PARD3B: variants seen among roughly 807,000 people sequenced by gnomAD.
PARD3B encodes the protein par-3 family cell polarity regulator beta.
Under a neutral mutation model 130.2 loss-of-function variants are expected in PARD3B, and 103 were observed. The observed-to-expected ratio is 0.79, with a 90% CI of 0.67 to 0.93. The LOEUF (loss-of-function observed/expected upper bound fraction) is 0.93, where lower values mean the gene tolerates loss of function less well. Ranked by LOEUF, PARD3B falls within the 40% of genes least tolerant of loss-of-function variation. The pLI is 0.00. For synonymous variants in PARD3B, 583 were observed against 553.2 expected, an observed-to-expected ratio of 1.05 and a Z score of -0.76; for missense variants, 1,609 against 1,499.2, an observed-to-expected ratio of 1.07 and a Z score of -1.21.
At chr2:205,340,901 G>A (rs749870464) in intron 18 of PARD3B, among the ~76,000 whole-genome samples, 183 of 151,818 alleles carry the variant, frequency 1.2e-3, no homozygotes, top group Non-Finnish European at 2.4e-3. Context: ...CTCAACAGCC[G>A]AAAAACAAAT....
chr2:204,834,588 A>G (rs114898693), intron 2 of PARD3B, among the ~76,000 whole-genome samples: 2,211 of 152,312 alleles, frequency 0.015, 36 homozygotes, highest in East Asian at 0.065. Flanking sequence ...AGTAGCATGT[A>G]TATGTTTATT....
chr2:205,132,970 G>T (rs889604069), intron 10 of PARD3B, among the ~76,000 whole-genome samples: 1 of 152,022 alleles, frequency 6.6e-6, no homozygotes, highest in Non-Finnish European at 1.5e-5. Context: ...GATATAGAAG[G>T]CTGGGAAACG....
Position 205,525,286 on chromosome 2 carries a change from T to G in PARD3B, c.3180+25255T>G, listed in dbSNP as rs552090549. Among the ~76,000 whole-genome samples, 1 of 152,246 alleles carries G rather than the reference T, an allele frequency of 6.6e-6. No individual in the cohort carries two copies. Among genetic ancestry groups the G allele is most frequent in the Non-Finnish European group, 1.5e-5 (1 of 68,004 alleles). On this transcript the variant is annotated intron_variant, in intron 21 of 22. Transcript: ENST00000406610. This position sits in a 1 kb window ranked among gnomAD's most constrained non-coding sequence, Gnocchi z 4.2. The stretch of plus-strand genomic sequence containing the variant: ...TTTCCTTACCACTCCAAGAGTGGGG[T>G]CTCTGGAAAATATAGTAACAAAGCT...
chr2:205,063,137 G>A (rs1052820639), intron 4 of PARD3B, among the ~76,000 whole-genome samples: 8 of 151,858 alleles, frequency 5.3e-5, no homozygotes, highest in Admixed American at 2.6e-4. Flanking sequence ...CAAAGTAACC[G>A]TTTAAAGCTA....
chr2:204,661,984 A>G (rs2035826145), intron 1 of PARD3B, among the ~76,000 whole-genome samples: 1 of 152,200 alleles, frequency 6.6e-6, no homozygotes, highest in South Asian at 2.1e-4. Context: ...TTCTTCTCTA[A>G]TACTGTACTA....
intron 21 of PARD3B, among the ~76,000 whole-genome samples, chr2:205,538,682 G>A (rs73060136): frequency 0.024 from 3,667 of 152,144 alleles, 142 homozygotes; most frequent in African/African-American, 0.082. Context: ...GAATAGTATC[G>A]GTGAAGAAGC....
chr2:204,838,252 G>A (rs538300636), intron 2 of PARD3B, among the ~76,000 whole-genome samples: 1 of 150,988 alleles, frequency 6.6e-6, no homozygotes, highest in Non-Finnish European at 1.5e-5. Context: ...GCACGATCTC[G>A]GCTCACTGCA....
At chr2:204,805,026 G>A (rs1046266147) in intron 2 of PARD3B, among the ~76,000 whole-genome samples, 1 of 151,830 alleles carries the variant, frequency 6.6e-6, no homozygotes, top group African/African-American at 2.4e-5. Flanking sequence ...AATAATGCAT[G>A]TGAAAAAGTA....
intron 2 of PARD3B, among the ~76,000 whole-genome samples, chr2:204,938,145 A>C (rs1688610419): frequency 6.6e-6 from 1 of 152,194 alleles, no homozygotes; most frequent in Admixed American, 6.5e-5. Context: ...GATTTTTAAT[A>C]CAATTTCTCA....
At chr2:204,674,512 A>G (rs2036444408) in intron 1 of PARD3B, among the ~76,000 whole-genome samples, 1 of 115,326 alleles carries the variant, frequency 8.7e-6, no homozygotes, top group African/African-American at 2.9e-5. Flanking sequence ...GAAGTTTTAT[A>G]AACAGTGTGG....
At chr2:204,662,745 A>G (rs1385141242) in intron 1 of PARD3B, among the ~76,000 whole-genome samples, 1 of 152,210 alleles carries the variant, frequency 6.6e-6, no homozygotes, top group South Asian at 2.1e-4. Context: ...CAAAATGACT[A>G]TTCATATAGT....
intron 18 of PARD3B, among the ~76,000 whole-genome samples, chr2:205,312,172 C>A (rs1266715798): frequency 6.6e-6 from 1 of 152,178 alleles, no homozygotes; most frequent in Non-Finnish European, 1.5e-5. Flanking sequence ...TTACCTCTTT[C>A]CAGATAGTGA....
chr2:205,170,781 C>CTTTTTTTTTTTTTTTTT (rs141604922), intron 11 of PARD3B, among the ~76,000 whole-genome samples: 1 of 143,668 alleles, frequency 7.0e-6, no homozygotes, highest in Non-Finnish European at 1.6e-5. Context: ...TATCTCATTT[C>CTTTTTTTTTTTTTTTTT]TTTTTTTTTT....
intron 21 of PARD3B, among the ~76,000 whole-genome samples, chr2:205,538,650 C>A (rs1332834845): frequency 6.6e-6 from 1 of 152,200 alleles, no homozygotes; most frequent in Non-Finnish European, 1.5e-5. Context: ...TCTCGTCACT[C>A]TCTTTCCCAA....
rs182444366 is a variant in PARD3B, at chr2:205,532,343, A to G, written c.3181-20981A>G. On this transcript the variant is annotated intron_variant, in intron 21 of 22. Transcript: ENST00000406610. ...CCCATCATTTTTGAACACAGGTGTC[A>G]TAAAAGGCAAAACTGTTATAAGTTC... Among the ~76,000 whole-genome samples, 3 of 152,296 alleles carry G rather than the reference A, an allele frequency of 2.0e-5. No individual in the cohort carries two copies. The East Asian group carries it at 5.8e-4, about 29-fold the overall frequency.
intron 1 of PARD3B, among the ~76,000 whole-genome samples, chr2:204,670,788 G>A (rs911591003): frequency 8.6e-5 from 13 of 152,008 alleles, no homozygotes; most frequent in African/African-American, 3.1e-4. Context: ...CTTTTGTCTC[G>A]TGCAAACTTT....
In PARD3B at chr2:205,460,393, GTGA is replaced by G. The variant is rs3077792; in HGVS notation, c.3044+19762_3044+19764del. ...ATTATCAAGACTAAGGATGTTGATA[GTGA>G]TGATGATGATGATGATGATGATGAT... On this transcript the variant is annotated intron_variant, in intron 20 of 22. Transcript: ENST00000406610. The surrounding 1 kb of genome is among the most constrained non-coding windows in gnomAD (Gnocchi z 4.9). 0.16 allele frequency among the ~76,000 whole-genome samples: 23,299 copies of G among 147,866 alleles called. 3,043 individuals are homozygous for G. The highest frequency in any genetic ancestry group is 0.37 in the African/African-American group (14,786 of 40,324).
intron 21 of PARD3B, among the ~76,000 whole-genome samples, chr2:205,535,913 G>GTTTC (rs2051832816): frequency 6.6e-6 from 1 of 152,114 alleles, no homozygotes; most frequent in East Asian, 1.9e-4. Flanking sequence ...TCATTTCCTG[G>GTTTC]TGTTTTCTCC....
chr2:205,023,493 T>A (rs926254686), intron 3 of PARD3B, among the ~76,000 whole-genome samples: 10 of 146,628 alleles, frequency 6.8e-5, no homozygotes, highest in Admixed American at 1.4e-4. Context: ...GCTACTTTTT[T>A]AAATGTATGT....
Sources: allele counts gnomAD v4.1 joint callset (sites outside exome capture counted in the v4.1 genomes callset), GRCh38; gene constraint gnomAD v4.1.1; non-coding constraint Gnocchi (gnomAD v3.1); transcripts MANE v1.5; gene names NCBI Gene and HGNC (gene_info 2026-07-23, HGNC 2026-07-21).